The following PIK3C2A variants were observed in gnomAD, a reference collection of about 807,000 sequenced individuals.
PIK3C2A encodes phosphatidylinositol 4-phosphate 3-kinase C2 domain-containing subunit alpha.
In PIK3C2A, 97 loss-of-function variants were observed where a neutral mutation model predicts 204.5. The observed-to-expected ratio is 0.47, with a 90% CI of 0.40 to 0.56. PIK3C2A has a LOEUF of 0.56. Ranked by LOEUF, PIK3C2A falls within the 20% of genes least tolerant of loss-of-function variation. The pLI is 0.00. For missense variants in PIK3C2A, 1,735 were observed against 1,969.2 expected (o/e 0.88, Z 2.25); for synonymous variants, 653 against 664.4 (o/e 0.98, Z 0.26).
At chr11:17,133,420 C>T (rs549983548) in intron 11 of PIK3C2A, among the ~76,000 whole-genome samples, 7 of 152,260 alleles carry the variant, frequency 4.6e-5, no homozygotes, top group Admixed American at 4.6e-4. Context: ...ACTAAGAATA[C>T]TGCCCACAGA....
chr11:17,190,382 G>A (rs958134977), intron 1 of PIK3C2A, among the ~76,000 whole-genome samples: 2 of 151,970 alleles, frequency 1.3e-5, no homozygotes, highest in African/African-American at 2.4e-5. Flanking sequence ...GACCAGCCTG[G>A]CCAACATGGT....
At chr11:17,199,903 CAAAA>C (rs35435978) in intron 1 of PIK3C2A, among the ~76,000 whole-genome samples, 3 of 106,834 alleles carry the variant, frequency 2.8e-5, no homozygotes, top group Non-Finnish European at 3.9e-5. Context: ...GCCTCCATCT[CAAAA>C]AAAAAAAAAA....
chr11:17,207,934 A>AGCC lies in PIK3C2A; in HGVS notation c.-155_-153dup, dbSNP rs1267806858. On this transcript the variant is annotated 5_prime_UTR_variant, in exon 1 of 33. Coordinates refer to ENST00000691414, the MANE Select transcript of PIK3C2A (RefSeq NM_002645.4). The stretch of plus-strand genomic sequence containing the variant: ...AGCCATTTTTCCCCTCAGCTGGCTC[A>AGCC]GCCGCCGCCGAAAGCTTCGGCCGAC... 1 of 152,406 alleles carries AGCC rather than the reference A, an allele frequency of 6.6e-6. No individual in the cohort carries two copies. The highest frequency in any genetic ancestry group is 1.5e-5 in the Non-Finnish European group (1 of 68,198). 9.4% of individuals were successfully genotyped at this position (152,406 alleles called of 1,614,324 possible).
Position 17,168,719 on chromosome 11 carries a change from A to G in PIK3C2A, c.1023T>C (p.Ile341=), listed in dbSNP as rs1423114849. The part of the protein sequence containing the change: ...ATVTRSQSLN[I]RTTQLAKAQG... The stretch of plus-strand genomic sequence containing the variant: ...GGGCTTTTGCAAGCTGAGTTGTTCG[A>G]ATATTTAAAGACTGGCTTCTTGTAA... Residue 341 remains isoleucine (I), a synonymous_variant, in exon 2 of 33, where the codon ATT becomes ATC. Transcript: ENST00000691414. 6.2e-7 allele frequency: 1 copy of G among 1,604,754 alleles called. No individual in the cohort carries two copies. The highest frequency in any genetic ancestry group is 1.1e-5 in the South Asian group (1 of 89,440).
chr11:17,129,188 A>C (rs1410213599), intron 13 of PIK3C2A, 112 bp downstream of exon 13: 9 of 765,448 alleles, frequency 1.2e-5, no homozygotes, highest in South Asian at 1.1e-4. Flanking sequence ...AGAAAAACTG[A>C]AGAGGCTCAT....
Position 17,118,711 on chromosome 11 carries a change from C to A in PIK3C2A, c.2969G>T (p.Ser990Ile). 6.4e-7 allele frequency: 1 copy of A among 1,559,870 alleles called. No individual in the cohort carries two copies. The highest frequency in any genetic ancestry group is 8.8e-7 in the Non-Finnish European group (1 of 1,132,418). Residue 990 changes from serine to isoleucine, a missense_variant, in exon 18 of 33, where the codon AGT (serine) becomes ATT (isoleucine). Coordinates refer to ENST00000691414, the MANE Select transcript of PIK3C2A (RefSeq NM_002645.4). ...GGACAAAAGGAATTGCACTAATGAA[C>A]TATTCAAGTAAATTTCATATTTCAA... ...QALKYEIYLN[S>I]SLVQFLLSRA... is the part of the protein sequence containing the mutation.
intron 13 of PIK3C2A, among the ~76,000 whole-genome samples, chr11:17,126,269 C>G (rs1279832462): frequency 6.6e-6 from 1 of 152,014 alleles, no homozygotes; most frequent in Non-Finnish European, 1.5e-5. Context: ...CTCATTTGTG[C>G]TGGACATGGT....
chr11:17,116,516 T>C (rs965561522), intron 19 of PIK3C2A, among the ~76,000 whole-genome samples: 4 of 152,154 alleles, frequency 2.6e-5, no homozygotes, highest in African/African-American at 9.7e-5. Flanking sequence ...AGAACTACCA[T>C]ATGACCTAGC....
At chr11:17,158,892 A>T (rs1175644763) in intron 2 of PIK3C2A, among the ~76,000 whole-genome samples, 2 of 152,192 alleles carry the variant, frequency 1.3e-5, no homozygotes, top group Admixed American at 1.3e-4. Context: ...AACTGAATAT[A>T]ATAATTATCT....
intron 13 of PIK3C2A, among the ~76,000 whole-genome samples, chr11:17,127,937 C>A (rs1195943433): frequency 6.6e-6 from 1 of 152,112 alleles, no homozygotes; most frequent in Non-Finnish European, 1.5e-5. Context: ...AGAATGTAGA[C>A]CCTGTAGCCA....
At chr11:17,105,070 ATGAC>A (rs1848764747) in intron 23 of PIK3C2A, 95 bp downstream of exon 23, 1 of 859,988 alleles carries the variant, frequency 1.2e-6, no homozygotes, top group Middle Eastern at 3.0e-4. Flanking sequence ...CTTAGACTAA[ATGAC>A]TATTTGGTCA....
intron 1 of PIK3C2A, among the ~76,000 whole-genome samples, chr11:17,201,535 A>G (rs1358113597): frequency 8.9e-6 from 1 of 111,736 alleles, no homozygotes; most frequent in Admixed American, 1.2e-4. Flanking sequence ...CAAAAAAAAA[A>G]AAAAAAAAGA....
At position 17,122,786 on chromosome 11, in the gene PIK3C2A, T is replaced by G; in HGVS notation, c.2427A>C (p.Leu809=). Reference sequence around the variant, plus strand: ...TTGTATGTGATGAAGTCCAAAGATATAGAAGTTTAGTTCCACATGTTAAAA... The same window carrying G: ...TTGTATGTGATGAAGTCCAAAGATAGAGAAGTTTAGTTCCACATGTTAAAA... ...KRFLTCGTKL[L]YLWTSSHTNS... The change falls in exon 14 of 33, where the codon CTA becomes CTC. Residue 809 remains leucine, a synonymous_variant. Transcript: ENST00000691414. The G allele has an allele frequency of 6.6e-7, 1 of 1,517,782 alleles. No individual in the cohort carries two copies. Among genetic ancestry groups the G allele is most frequent in the Non-Finnish European group, 9.1e-7 (1 of 1,102,290 alleles). The allele number at this position is 1,517,782 out of a possible 1,614,324, so 94.0% of individuals were successfully genotyped here.
chr11:17,153,389 C>T (rs907808576), intron 3 of PIK3C2A, among the ~76,000 whole-genome samples: 1 of 151,094 alleles, frequency 6.6e-6, no homozygotes, highest in South Asian at 2.1e-4. Flanking sequence ...GAACTGAGAT[C>T]GCACCACTGC....
At chr11:17,203,539 T>G (rs1188099183) in intron 1 of PIK3C2A, among the ~76,000 whole-genome samples, 1 of 152,126 alleles carries the variant, frequency 6.6e-6, no homozygotes, top group Non-Finnish European at 1.5e-5. Context: ...TGACCATAAT[T>G]CTCATCAAAA....
chr11:17,105,082 T>C (rs1848765385), intron 23 of PIK3C2A, 87 bp downstream of exon 23: 1 of 976,636 alleles, frequency 1.0e-6, no homozygotes, highest in Non-Finnish European at 1.6e-6. Flanking sequence ...GACTATTTGG[T>C]CACCAGAGCT....
intron 1 of PIK3C2A, among the ~76,000 whole-genome samples, chr11:17,197,353 T>A (rs1362469063): frequency 6.6e-6 from 1 of 152,034 alleles, no homozygotes; most frequent in Non-Finnish European, 1.5e-5. Flanking sequence ...TATTACTCTA[T>A]TAAAACGATT....
intron 11 of PIK3C2A, 140 bp from the exon 12 acceptor site, chr11:17,132,178 C>A: frequency 3.6e-6 from 2 of 550,198 alleles, no homozygotes; most frequent in Non-Finnish European, 6.2e-6. Context: ...TTTTAGAAGT[C>A]CATCTGAAAT....
In PIK3C2A at chr11:17,168,909, T is replaced by C; in HGVS notation, c.833A>G (p.Lys278Arg). Residue 278 changes from lysine to arginine, a missense_variant, in exon 2 of 33, where the codon AAG (lysine) becomes AGG (arginine). Around this residue, in one of 6 missense-constraint regions of PIK3C2A, gnomAD observed 536 missense variants for 546.7 expected, o/e 0.98. Transcript: ENST00000691414. ...TACCTCCACATTATCCACCTTAGGC[T>C]TACTTAGAGGATCCAAGTCTAACCA... ...FDWLDLDPLSKPKVDNVEVLD... is the reference protein window; with the variant it reads ...FDWLDLDPLSRPKVDNVEVLD... 1 of 1,613,992 alleles carries C rather than the reference T, an allele frequency of 6.2e-7. No individual in the cohort carries two copies. Among genetic ancestry groups the C allele is most frequent in the Non-Finnish European group, 8.5e-7 (1 of 1,179,864 alleles).
Sources: gnomAD v4.1 joint callset for allele counts (sites outside exome capture counted in the v4.1 genomes callset) on GRCh38, gnomAD v4.1.1 for gene constraint, gnomAD v4.1.1 regional missense constraint, MANE v1.5 for transcripts, NCBI Gene and HGNC (gene_info 2026-07-23, HGNC 2026-07-21) for gene names.